Variants in MPP7 observed in about 807,000 individuals in gnomAD.
The protein encoded by MPP7 is MAGUK p55 scaffold protein 7, also known as MAGUK p55 subfamily member 7.
In MPP7, 60 loss-of-function variants were observed where a neutral mutation model predicts 76.5. The observed-to-expected ratio is 0.78, with a 90% confidence interval of 0.64 to 0.97. The LOEUF is 0.97. MPP7 is among the 50% of genes least tolerant of loss of function. The pLI is 0.00. For synonymous variants in MPP7, 237 were observed against 244.5 expected (o/e 0.97, Z 0.29); for missense variants, 641 against 694.0 (o/e 0.92, Z 0.86).
chr10:28,120,610 G>A lies in MPP7; in HGVS notation c.674C>T (p.Pro225Leu), dbSNP rs771032412. The A allele has an allele frequency of 4.3e-6, 7 of 1,613,454 alleles. No homozygotes were observed. The South Asian group carries it at 7.7e-5, about 18-fold the overall frequency. ...KIIPGSKEET[P>L]SKEGKMFIKA... The stretch of plus-strand genomic sequence containing the variant: ...AATAATTACCTTGCCTTCTTTTGAT[G>A]GTGTCTCCTCTTTGCTGCCGGGTAT... Residue 225 changes from proline to leucine, a missense_variant, in exon 9 of 17, where the codon CCA becomes CTA. By Grantham distance (98) the Pro-to-Leu change is moderately conservative. Coordinates refer to ENST00000683449, the MANE Select transcript of MPP7 (RefSeq NM_001318170.2).
chr10:28,175,919 G>T (rs972142370), intron 3 of MPP7, among the ~76,000 whole-genome samples: 1 of 152,140 alleles, frequency 6.6e-6, no homozygotes, highest in Non-Finnish European at 1.5e-5. Flanking sequence ...CAATGGGGCA[G>T]AGTAAAAAGT....
intron 2 of MPP7, among the ~76,000 whole-genome samples, chr10:28,235,016 C>G (rs1036201222): frequency 2.6e-5 from 4 of 152,132 alleles, no homozygotes; most frequent in Admixed American, 6.5e-5. Context: ...CACCACGTTG[C>G]CCAGACTGGT....
intron 3 of MPP7, among the ~76,000 whole-genome samples, chr10:28,188,280 T>C (rs1395401213): frequency 6.6e-6 from 1 of 152,192 alleles, no homozygotes; most frequent in Non-Finnish European, 1.5e-5. Flanking sequence ...TTTAAGAAGA[T>C]AAATTGTATA....
intron 3 of MPP7, among the ~76,000 whole-genome samples, chr10:28,176,453 G>A (rs1456968714): frequency 6.6e-6 from 1 of 152,176 alleles, no homozygotes; most frequent in African/African-American, 2.4e-5. Context: ...TAATTGCACT[G>A]GCTGGGCATG....
At chr10:28,227,570 G>C (rs1838738019) in intron 2 of MPP7, among the ~76,000 whole-genome samples, 1 of 151,880 alleles carries the variant, frequency 6.6e-6, no homozygotes, top group African/African-American at 2.4e-5. Flanking sequence ...TGCAGTGTTT[G>C]GCTTTCTGTT....
chr10:28,308,112 G>A lies in MPP7; in HGVS notation c.-132+21817C>T, dbSNP rs566163507. Among the ~76,000 whole-genome samples, 21 of 152,282 alleles carry A rather than the reference G, an allele frequency of 1.4e-4. No individual in the cohort carries two copies. The South Asian group carries it at 2.3e-3, about 17-fold the overall frequency. On this transcript the variant is annotated intron_variant, in intron 2 of 11. Transcript: ENST00000441595. Reference sequence around the variant, plus strand: ...TTGCAGGGGAAGAAGGGAAATGGTCGCTAGGCTGCTCCAGGTGATCCTTGT... The same window carrying A: ...TTGCAGGGGAAGAAGGGAAATGGTCACTAGGCTGCTCCAGGTGATCCTTGT...
chr10:28,242,964 A>G (rs1839318102), intron 1 of MPP7, among the ~76,000 whole-genome samples: 1 of 152,176 alleles, frequency 6.6e-6, no homozygotes, highest in Non-Finnish European at 1.5e-5. Flanking sequence ...TGTGTGAATA[A>G]GGGGAAGCAC....
intron 13 of MPP7, among the ~76,000 whole-genome samples, chr10:28,065,490 A>T (rs1238578074): frequency 6.6e-6 from 1 of 152,212 alleles, no homozygotes. Flanking sequence ...AATACTGAAT[A>T]AGAGATCTGA....
intron 1 of MPP7, among the ~76,000 whole-genome samples, chr10:28,239,894 C>CA (rs1839209433): frequency 6.6e-6 from 1 of 152,004 alleles, no homozygotes. Context: ...TAAATATACT[C>CA]AGACATATAA....
At chr10:28,196,863 T>C (rs1444794879) in intron 3 of MPP7, among the ~76,000 whole-genome samples, 1 of 152,148 alleles carries the variant, frequency 6.6e-6, no homozygotes, top group Non-Finnish European at 1.5e-5. Context: ...GTCTTCACTG[T>C]TTACCTCTAA....
At chr10:28,232,207 A>T (rs1302028821) in intron 2 of MPP7, among the ~76,000 whole-genome samples, 3 of 152,078 alleles carry the variant, frequency 2.0e-5, no homozygotes, top group Non-Finnish European at 4.4e-5. Context: ...TACAAAAAAT[A>T]AAAAATTAGC....
chr10:28,056,672 A>G, intron 15 of MPP7, 49 bp from the exon 16 acceptor site: 2 of 1,467,930 alleles, frequency 1.4e-6, no homozygotes, highest in Non-Finnish European at 1.8e-6. Context: ...TAGCATCATG[A>G]ATTACTGAAT....
At chr10:28,177,407 CAAA>C (rs374281842) in intron 3 of MPP7, among the ~76,000 whole-genome samples, 1 of 126,730 alleles carries the variant, frequency 7.9e-6, no homozygotes, top group African/African-American at 2.9e-5. Flanking sequence ...GACTCCATTT[CAAA>C]AAAAAAAAAA....
chr10:28,313,058 T>C (rs1841298308), intron 2 of MPP7, among the ~76,000 whole-genome samples: 1 of 152,208 alleles, frequency 6.6e-6, no homozygotes, highest in African/African-American at 2.4e-5. Flanking sequence ...AAGATGGGAC[T>C]CTTTCACTTA....
At chr10:28,158,303 T>C (rs1179812579) in intron 3 of MPP7, among the ~76,000 whole-genome samples, 1 of 152,180 alleles carries the variant, frequency 6.6e-6, no homozygotes, top group African/African-American at 2.4e-5. Context: ...CTATCTTCTA[T>C]CTGCCACTTC....
At chr10:28,162,771 G>T (rs1019270547) in intron 3 of MPP7, among the ~76,000 whole-genome samples, 1 of 152,088 alleles carries the variant, frequency 6.6e-6, no homozygotes, top group Non-Finnish European at 1.5e-5. Flanking sequence ...AAAAGTGATG[G>T]GAGGTCCCTC....
chr10:28,180,024 A>G (rs980547706), intron 3 of MPP7, among the ~76,000 whole-genome samples: 7 of 152,222 alleles, frequency 4.6e-5, no homozygotes, highest in Admixed American at 2.6e-4. Context: ...TAAAGGTACA[A>G]TTAAAACACT....
chr10:28,130,801 A>G (rs1285038770), intron 6 of MPP7, among the ~76,000 whole-genome samples: 1 of 152,250 alleles, frequency 6.6e-6, no homozygotes, highest in Non-Finnish European at 1.5e-5. Context: ...TGTTCACACA[A>G]TAATCTTACT....
chr10:28,264,306 A>G (rs1840077695), intron 1 of MPP7, among the ~76,000 whole-genome samples: 2 of 152,022 alleles, frequency 1.3e-5, no homozygotes, highest in Non-Finnish European at 2.9e-5. Flanking sequence ...TTTAAGTCTC[A>G]TTTTAGCTAA....
Sources: allele counts gnomAD v4.1 joint callset (sites outside exome capture counted in the v4.1 genomes callset), GRCh38; gene constraint gnomAD v4.1.1; transcripts MANE v1.5; gene names NCBI Gene and HGNC (gene_info 2026-07-23, HGNC 2026-07-21).